Variants in ABCC5 observed in about 807,000 individuals in gnomAD.
ABCC5 encodes ATP-binding cassette sub-family C member 5.
ABCC5 carries 61 observed loss-of-function variants against 160.9 expected under a neutral mutation model. The ratio of observed to expected loss-of-function variants is 0.38; its 90% CI spans 0.31 to 0.47. The LOEUF (loss-of-function observed/expected upper bound fraction) is 0.47, where lower values mean the gene tolerates loss of function less well. Among genes scored for constraint, ABCC5 ranks in the 20% least tolerant of loss-of-function variants. ABCC5 has a pLI of 0.99. For synonymous variants in ABCC5, 666 were observed against 700.6 expected, an observed-to-expected ratio of 0.95 and a Z score of 0.78; for missense variants, 1,308 against 1,813.3, an observed-to-expected ratio of 0.72 and a Z score of 5.06.
chr3:184,015,285 G>A (rs907600858), intron 1 of ABCC5, among the ~76,000 whole-genome samples: 1 of 152,102 alleles, frequency 6.6e-6, no homozygotes, highest in African/African-American at 2.4e-5. Context: ...TCAATATGCT[G>A]TATCAACTCA....
Position 183,921,287 on chromosome 3 carries a change from C to T in ABCC5, c.*13G>A. 2 of 1,463,636 alleles carry T rather than the reference C, an allele frequency of 1.4e-6. No homozygotes were observed. The highest frequency in any genetic ancestry group is 1.9e-6 in the Non-Finnish European group (2 of 1,051,248). The allele number at this position is 1,463,636 out of a possible 1,614,324, so 90.7% of individuals were successfully genotyped here. On this transcript the variant is annotated 3_prime_UTR_variant, in exon 30 of 30. Coordinates refer to ENST00000334444, the MANE Select transcript of ABCC5 (RefSeq NM_005688.4). The surrounding 1 kb of genome is among the most constrained non-coding windows in gnomAD (Gnocchi z 4.1). ...ATGCTCTAAAGAAAAGAGACTTCGT[C>T]AACAGGGAGGAGTCAGCCCTTGACA...
In ABCC5 at chr3:184,017,300, A is replaced by C. The variant is rs1722269051; in HGVS notation, c.-56+530T>G. 1 of 152,192 alleles carries C rather than the reference A, an allele frequency of 6.6e-6. No individual in the cohort carries two copies. The highest frequency in any genetic ancestry group is 1.5e-5 in the Non-Finnish European group (1 of 68,062). 9.4% of individuals were successfully genotyped at this position (152,192 alleles called of 1,614,324 possible). The stretch of plus-strand genomic sequence containing the variant: ...AGCCACGGCTTTGCTGCGCGTGCTT[A>C]TGTCACGTACCTCCATTTACCCGCT... On this transcript the variant is annotated intron_variant, in intron 1 of 29. Coordinates refer to ENST00000334444, the MANE Select transcript of ABCC5 (RefSeq NM_005688.4). This position sits in a 1 kb window ranked among gnomAD's most constrained non-coding sequence, Gnocchi z 4.5.
At chr3:183,931,686 A>G (rs1713195065) in intron 26 of ABCC5, among the ~76,000 whole-genome samples, 1 of 152,230 alleles carries the variant, frequency 6.6e-6, no homozygotes, top group South Asian at 2.1e-4. Flanking sequence ...AAGGAGCCTC[A>G]GACCACTAAA....
In ABCC5 at chr3:183,942,813, C is replaced by A; in HGVS notation, c.3608G>T (p.Arg1203Leu). Residue 1203 changes from arginine (R) to leucine (L), a missense_variant, in exon 25 of 30, where the codon CGA becomes CTA. Around this residue, in one of 3 missense-constraint regions of ABCC5, gnomAD observed 1,142 missense variants for 1,527.1 expected, o/e 0.75. Coordinates refer to ENST00000334444, the MANE Select transcript of ABCC5 (RefSeq NM_005688.4). ...VTFENAEMRYRENLPLVLKKV... is the reference protein window; with the variant it reads ...VTFENAEMRYLENLPLVLKKV... ...CTTTAGGACGAGAGGGAGGTTTTCTCGGTACCTCATCTCTGCGTTCTCAAA... is the reference window on the plus strand; with the variant it reads ...CTTTAGGACGAGAGGGAGGTTTTCTAGGTACCTCATCTCTGCGTTCTCAAA... 1 of 1,614,142 alleles carries A rather than the reference C, an allele frequency of 6.2e-7. No individual in the cohort carries two copies. The highest frequency in any genetic ancestry group is 1.1e-5 in the South Asian group (1 of 91,076).
At chr3:183,940,487 A>AAAAG (rs1714219703) in intron 25 of ABCC5, among the ~76,000 whole-genome samples, 1 of 142,782 alleles carries the variant, frequency 7.0e-6, no homozygotes, top group Non-Finnish European at 1.5e-5. Flanking sequence ...AAAAAAAAAA[A>AAAAG]ATGAATGACT....
At chr3:183,962,516 T>C (rs975603598) in intron 15 of ABCC5, among the ~76,000 whole-genome samples, 2 of 151,408 alleles carry the variant, frequency 1.3e-5, no homozygotes, top group South Asian at 4.2e-4. Flanking sequence ...TAAGGAGCAG[T>C]TCCTCCAGTT....
At chr3:183,959,004 A>G (rs1716485298) in intron 17 of ABCC5, among the ~76,000 whole-genome samples, 1 of 151,850 alleles carries the variant, frequency 6.6e-6, no homozygotes, top group Non-Finnish European at 1.5e-5. Flanking sequence ...AAGGAGGTGA[A>G]GCAACAAAGA....
intron 26 of ABCC5, among the ~76,000 whole-genome samples, chr3:183,932,460 G>C (rs1185734445): frequency 6.6e-6 from 1 of 152,184 alleles, no homozygotes; most frequent in Non-Finnish European, 1.5e-5. Context: ...CCACAAAGAG[G>C]CACGTCTAAC....
chr3:183,991,950 G>T (rs186082092), intron 2 of ABCC5, among the ~76,000 whole-genome samples: 39 of 152,280 alleles, frequency 2.6e-4, no homozygotes, highest in African/African-American at 7.9e-4. Flanking sequence ...GTACAGAGTA[G>T]GTACAGAATG....
intron 10 of ABCC5, among the ~76,000 whole-genome samples, chr3:183,975,120 C>T (rs994627728): frequency 2.6e-5 from 4 of 152,102 alleles, no homozygotes; most frequent in African/African-American, 7.2e-5. Flanking sequence ...GAGATACAAT[C>T]CCAGGAACAG....
chr3:184,013,110 A>T (rs1721894220), intron 2 of ABCC5, among the ~76,000 whole-genome samples: 1 of 152,366 alleles, frequency 6.6e-6, no homozygotes, highest in South Asian at 2.1e-4. Context: ...GTAAAAACGC[A>T]TCTTCATTAT....
intron 11 of ABCC5, among the ~76,000 whole-genome samples, chr3:183,969,691 CAAA>C (rs35014671): frequency 1.1e-4 from 8 of 70,644 alleles, no homozygotes; most frequent in Non-Finnish European, 6.3e-5. Context: ...GACTCTGTCT[CAAA>C]AAAAAAAAAA....
chr3:183,923,949 G>A (rs1712256315), intron 29 of ABCC5, among the ~76,000 whole-genome samples: 1 of 150,996 alleles, frequency 6.6e-6, no homozygotes, highest in South Asian at 2.1e-4. Context: ...TTGCTGGCCT[G>A]AGTCCTGTCC....
chr3:183,957,239 C>T (rs1211294176), intron 17 of ABCC5, among the ~76,000 whole-genome samples: 1 of 114,712 alleles, frequency 8.7e-6, no homozygotes, highest in Non-Finnish European at 1.9e-5. Flanking sequence ...CATGCAGATC[C>T]GTGTGTATAT....
At chr3:183,966,672 G>C (rs187621507) in intron 12 of ABCC5, among the ~76,000 whole-genome samples, 17 of 151,980 alleles carry the variant, frequency 1.1e-4, no homozygotes, top group African/African-American at 4.1e-4. Flanking sequence ...TAGGAAGTCT[G>C]GTGCTTTTTA....
chr3:183,961,196 T>C (rs1716699884), intron 16 of ABCC5, among the ~76,000 whole-genome samples: 4 of 152,194 alleles, frequency 2.6e-5, no homozygotes, highest in Admixed American at 2.6e-4. Context: ...GGATGGAGCT[T>C]AGGAAACTAA....
rs1560036423 is a variant in ABCC5 at position 183,987,439 on chromosome 3, A to G, written c.591+331T>C. ...CGGGCCACACAACGTGCTCTCACCC[A>G]CTCATAGCACTGCAAGACACATCTG... is the stretch of plus-strand genomic sequence containing the variant. On this transcript the variant is annotated intron_variant, in intron 5 of 29. Transcript: ENST00000334444. This position sits in a 1 kb window ranked among gnomAD's most constrained non-coding sequence, Gnocchi z 4.2. 7.0e-6 allele frequency: 4 copies of G among 571,686 alleles called. No homozygotes were observed. Among genetic ancestry groups the G allele is most frequent in the Admixed American group, 3.1e-5 (1 of 32,056 alleles). 35.4% of individuals were successfully genotyped at this position (571,686 alleles called of 1,614,324 possible).
chr3:183,985,432 C>T (rs899377076), intron 5 of ABCC5: 4 of 1,438,026 alleles, frequency 2.8e-6, no homozygotes, highest in Non-Finnish European at 2.9e-6. Flanking sequence ...CCCCCAAATC[C>T]AGATCCTGAC....
intron 2 of ABCC5, among the ~76,000 whole-genome samples, chr3:183,991,369 GA>G (rs1340626806): frequency 1.3e-5 from 2 of 151,564 alleles, no homozygotes; most frequent in Non-Finnish European, 2.9e-5. Context: ...CCCAAATCAA[GA>G]AAAAGTTAAG....
Sources: allele counts gnomAD v4.1 joint callset (sites outside exome capture counted in the v4.1 genomes callset), GRCh38; gene constraint gnomAD v4.1.1; regional missense constraint gnomAD v4.1.1; non-coding constraint Gnocchi (gnomAD v3.1); transcripts MANE v1.5; gene names NCBI Gene and HGNC (gene_info 2026-07-23, HGNC 2026-07-21).